THTPA: variants seen among roughly 807,000 people sequenced by gnomAD.
THTPA encodes thiamine triphosphatase.
A neutral mutation model predicts 16.5 loss-of-function variants in THTPA; 16 were observed. That is an observed-to-expected ratio of 0.97 (90% confidence interval 0.66 to 1.47). The LOEUF is 1.47. Ranked by LOEUF, THTPA falls within the 40% of genes most tolerant of loss-of-function variation. THTPA has a pLI of 0.00. For synonymous variants in THTPA, 110 were observed against 115.5 expected (o/e 0.95, Z 0.30); for missense variants, 281 against 280.9 (o/e 1.00, Z 0.00).
chr14:23,526,785 C>G, the THTPA span: 1 of 1,525,356 alleles, frequency 6.6e-7, no homozygotes, highest in African/African-American at 1.4e-5. Flanking sequence ...ATCTTCAGAC[C>G]TTGTTGGCCC....
At chr14:23,536,833 A>G in the THTPA span, among the ~76,000 whole-genome samples, 2 of 152,104 alleles carry the variant, frequency 1.3e-5, no homozygotes, top group Admixed American at 6.5e-5. Context: ...TGAGACTCCA[A>G]AGGACTAGAA....
At chr14:23,539,343 TAC>T in the THTPA span, among the ~76,000 whole-genome samples, 2,382 of 152,224 alleles carry the variant, frequency 0.016, 64 homozygotes, top group African/African-American at 0.054. Flanking sequence ...AAAAAATATA[TAC>T]AGTCGTAATT....
chr14:23,533,279 G>A, the THTPA span: 8 of 1,436,386 alleles, frequency 5.6e-6, no homozygotes, highest in African/African-American at 1.0e-4. The surrounding 1 kb of genome is among the most constrained non-coding windows in gnomAD (Gnocchi z 4.8). Flanking sequence ...AAGCACAGAA[G>A]CTTACCGGAT....
rs1882888518 is a variant in THTPA, at chr14:23,558,768, G to T, written c.621G>T (p.Gln207His). 2 of 1,614,214 alleles carry T rather than the reference G, an allele frequency of 1.2e-6. No homozygotes were observed. Among genetic ancestry groups the T allele is most frequent in the Non-Finnish European group, 1.7e-6 (2 of 1,180,042 alleles). ...YLQRFRPQDY[Q>H]RLLEVNSSRE... is the part of the protein sequence containing the mutation. ...AGCGTTTCCGGCCTCAAGACTATCA[G>T]CGCCTGCTAGAAGTGAACAGCTCCA... The change falls in exon 2 of 2, where the codon CAG becomes CAT. Residue 207 changes from glutamine (Q) to histidine (H), a missense_variant. By Grantham distance (24) the Gln-to-His change is conservative (BLOSUM62 0). Coordinates refer to ENST00000288014, the MANE Select transcript of THTPA (RefSeq NM_024328.6).
At chr14:23,513,098 T>G in the THTPA span, 1 of 152,164 alleles carries the variant, frequency 6.6e-6, no homozygotes, top group Non-Finnish European at 1.5e-5. Flanking sequence ...CTGCCAGCTC[T>G]CCAAATGCCA....
At chr14:23,524,700 C>G in the THTPA span, 1 of 1,536,298 alleles carries the variant, frequency 6.5e-7, no homozygotes, top group Non-Finnish European at 8.7e-7. The surrounding 1 kb of genome is among the most constrained non-coding windows in gnomAD (Gnocchi z 5.6). Flanking sequence ...TTTGTTGCCT[C>G]TGCTTGGCTC....
the THTPA span, among the ~76,000 whole-genome samples, chr14:23,548,688 T>G: frequency 1.3e-5 from 2 of 152,068 alleles, no homozygotes; most frequent in Non-Finnish European, 2.9e-5. Context: ...GGGTAGTGAG[T>G]GATTAGGCCA....
At chr14:23,524,804 T>C in the THTPA span, 1 of 1,536,850 alleles carries the variant, frequency 6.5e-7, no homozygotes, top group Non-Finnish European at 8.7e-7. The surrounding 1 kb of genome is among the most constrained non-coding windows in gnomAD (Gnocchi z 5.6). Flanking sequence ...TTCTTCCACC[T>C]CTTCCTCCTC....
At chr14:23,521,037 G>C in the THTPA span, 1 of 151,818 alleles carries the variant, frequency 6.6e-6, no homozygotes, top group Non-Finnish European at 1.5e-5. Context: ...ATTTGCCGTT[G>C]GTGGGCAGTG....
At chr14:23,548,742 C>T in the THTPA span, among the ~76,000 whole-genome samples, 1 of 152,238 alleles carries the variant, frequency 6.6e-6, no homozygotes, top group Non-Finnish European at 1.5e-5. Flanking sequence ...CTGTCTCTTC[C>T]CTGGATATTT....
At chr14:23,524,952 C>T in the THTPA span, 3 of 1,536,270 alleles carry the variant, frequency 2.0e-6, no homozygotes, top group East Asian at 7.3e-5. This position sits in a 1 kb window ranked among gnomAD's most constrained non-coding sequence, Gnocchi z 5.6. Context: ...CCAGTGCCTC[C>T]TCCGGTTGGC....
the THTPA span, among the ~76,000 whole-genome samples, chr14:23,537,117 G>A: frequency 6.6e-6 from 1 of 152,202 alleles, no homozygotes; most frequent in South Asian, 2.1e-4. Context: ...CTGCACCATC[G>A]TACTTCAGCC....
the THTPA span, among the ~76,000 whole-genome samples, chr14:23,512,275 C>G: frequency 6.6e-6 from 1 of 152,000 alleles, no homozygotes; most frequent in South Asian, 2.1e-4. Context: ...GTGGCTGGCA[C>G]AGTGCCCACC....
upstream of THTPA, among the ~76,000 whole-genome samples, chr14:23,555,194 TC>T (rs1360149158): frequency 6.6e-6 from 1 of 152,038 alleles, no homozygotes; most frequent in Non-Finnish European, 1.5e-5. Flanking sequence ...CGGGGGGGTT[TC>T]TCCATGTTGG....
chr14:23,522,764 C>G, the THTPA span: 1 of 1,536,418 alleles, frequency 6.5e-7, no homozygotes, highest in African/African-American at 1.4e-5. Flanking sequence ...GACCTTGTCC[C>G]CCAAGGGCTC....
At chr14:23,549,654 G>A in the THTPA span, among the ~76,000 whole-genome samples, 3 of 152,144 alleles carry the variant, frequency 2.0e-5, no homozygotes, top group Non-Finnish European at 4.4e-5. Context: ...GAAGGATGGG[G>A]GGCAACCAGG....
the THTPA span, chr14:23,535,495 G>T: frequency 1.4e-6 from 1 of 727,086 alleles, no homozygotes; most frequent in Non-Finnish European, 2.0e-6. The surrounding 1 kb of genome is among the most constrained non-coding windows in gnomAD (Gnocchi z 4.5). Context: ...ACACCACTTT[G>T]CTAACCTGAA....
the THTPA span, chr14:23,524,364 G>A: frequency 3.3e-6 from 5 of 1,536,266 alleles, no homozygotes; most frequent in South Asian, 3.6e-5. This position sits in a 1 kb window ranked among gnomAD's most constrained non-coding sequence, Gnocchi z 5.6. Flanking sequence ...GTGGTGCGCA[G>A]GCGCTTGTCC....
At chr14:23,537,804 G>A in the THTPA span, among the ~76,000 whole-genome samples, 1 of 152,208 alleles carries the variant, frequency 6.6e-6, no homozygotes, top group Non-Finnish European at 1.5e-5. Flanking sequence ...GTGCTGGTTT[G>A]TGAGGGTCTG....
Sources: gnomAD v4.1 joint callset for allele counts (sites outside exome capture counted in the v4.1 genomes callset) on GRCh38, gnomAD v4.1.1 for gene constraint, Gnocchi (gnomAD v3.1) non-coding constraint, MANE v1.5 for transcripts, NCBI Gene and HGNC (gene_info 2026-07-23, HGNC 2026-07-21) for gene names.